KCNK2: variants seen among roughly 807,000 people sequenced by gnomAD.
KCNK2 encodes the protein potassium two pore domain channel subfamily K member 2.
Under a neutral mutation model 40.5 loss-of-function variants are expected in KCNK2, and 21 were observed. The ratio of observed to expected loss-of-function variants is 0.52; its 90% CI spans 0.37 to 0.75. KCNK2 has a LOEUF of 0.75. Among genes scored for constraint, KCNK2 ranks in the 30% least tolerant of loss-of-function variants. The probability of loss-of-function intolerance (pLI) is 0.00; values close to 1 mark genes in which losing one functional copy is unlikely to be tolerated. For missense variants in KCNK2, 399 were observed against 531.6 expected, an observed-to-expected ratio of 0.75 and a Z score of 2.45; for synonymous variants, 191 against 202.2, an observed-to-expected ratio of 0.94 and a Z score of 0.47.
chr1:215,031,056 C>T (rs1228763178), intron 1 of KCNK2, among the ~76,000 whole-genome samples: 1 of 152,088 alleles, frequency 6.6e-6, no homozygotes, highest in South Asian at 2.1e-4. Context: ...TTGACCATAT[C>T]TATATGGGTC....
chr1:215,101,232 C>G (rs1660200441), intron 2 of KCNK2, among the ~76,000 whole-genome samples: 1 of 151,932 alleles, frequency 6.6e-6, no homozygotes, highest in Non-Finnish European at 1.5e-5. Context: ...TAACAAATAT[C>G]TACTTGAACG....
chr1:215,182,010 C>G (rs1015644616), intron 5 of KCNK2, among the ~76,000 whole-genome samples: 2 of 152,192 alleles, frequency 1.3e-5, no homozygotes, highest in African/African-American at 2.4e-5. Flanking sequence ...CTCCTTGACC[C>G]CATGTTCTCT....
intron 1 of KCNK2, among the ~76,000 whole-genome samples, chr1:215,007,045 GTGTGTATATATATA>G (rs1315024855): frequency 2.1e-4 from 25 of 118,472 alleles, no homozygotes; most frequent in South Asian, 1.3e-3. Flanking sequence ...ATATGTGTGT[GTGTGTATATATATA>G]TGTGTGTGTG....
At chr1:215,183,255 T>G (rs554093130) in intron 5 of KCNK2, among the ~76,000 whole-genome samples, 1 of 152,318 alleles carries the variant, frequency 6.6e-6, no homozygotes, top group Admixed American at 6.5e-5. Context: ...TAACTTATCT[T>G]TGCCCTTTCT....
At chr1:215,193,157 T>A (rs1456337581) in intron 5 of KCNK2, among the ~76,000 whole-genome samples, 1 of 152,184 alleles carries the variant, frequency 6.6e-6, no homozygotes, top group African/African-American at 2.4e-5. Flanking sequence ...ACTTGATTTT[T>A]AATATATACC....
intron 4 of KCNK2, among the ~76,000 whole-genome samples, chr1:215,169,915 G>C (rs778015243): frequency 2.0e-5 from 3 of 151,886 alleles, no homozygotes; most frequent in South Asian, 2.1e-4. Flanking sequence ...CAAAGTGCTG[G>C]GATTACAGGC....
At chr1:215,090,309 G>C (rs930727382) in intron 2 of KCNK2, among the ~76,000 whole-genome samples, 1 of 152,112 alleles carries the variant, frequency 6.6e-6, no homozygotes, top group Non-Finnish European at 1.5e-5. Context: ...AGTAAGGGGC[G>C]CTTCAGTTTC....
chr1:215,197,962 G>C (rs1664933841), intron 6 of KCNK2, among the ~76,000 whole-genome samples: 1 of 152,000 alleles, frequency 6.6e-6, no homozygotes, highest in African/African-American at 2.4e-5. Flanking sequence ...TGGCGCTACT[G>C]TACTCCAGCC....
intron 3 of KCNK2, among the ~76,000 whole-genome samples, chr1:215,136,263 T>G (rs11120505): frequency 1.3e-5 from 2 of 151,732 alleles, no homozygotes; most frequent in Non-Finnish European, 2.9e-5. Context: ...GTCCAGCTAA[T>G]TTTTTATATT....
At chr1:215,127,136 A>G (rs1387260799) in intron 3 of KCNK2, among the ~76,000 whole-genome samples, 1 of 152,150 alleles carries the variant, frequency 6.6e-6, no homozygotes, top group East Asian at 1.9e-4. Context: ...TTTTAAAATG[A>G]CATTAGAAGT....
At chr1:215,007,101 ATATATATGTGTGTATATATG>A (rs1656180811) in intron 1 of KCNK2, among the ~76,000 whole-genome samples, 1 of 131,916 alleles carries the variant, frequency 7.6e-6, no homozygotes, top group Non-Finnish European at 1.6e-5. Flanking sequence ...ATATATATGT[ATATATATGTGTGTATATATG>A]TATATATATG....
chr1:215,090,374 T>G (rs910567628), intron 2 of KCNK2, among the ~76,000 whole-genome samples: 3 of 152,204 alleles, frequency 2.0e-5, no homozygotes, highest in Non-Finnish European at 4.4e-5. Flanking sequence ...ACTCTAGCAC[T>G]TACTTCTGGT....
At chr1:215,152,240 T>C (rs1383762007) in intron 3 of KCNK2, among the ~76,000 whole-genome samples, 4 of 152,016 alleles carry the variant, frequency 2.6e-5, no homozygotes, top group Non-Finnish European at 5.9e-5. Flanking sequence ...AACATTTTAG[T>C]AGAACTAACT....
chr1:215,174,154 G>A (rs1208932204), intron 5 of KCNK2, among the ~76,000 whole-genome samples: 2 of 152,122 alleles, frequency 1.3e-5, no homozygotes, highest in Non-Finnish European at 2.9e-5. Context: ...TGTATAAGGT[G>A]TAAGGAAGGG....
chr1:215,077,223 G>A (rs1658975820), intron 1 of KCNK2, among the ~76,000 whole-genome samples: 1 of 152,182 alleles, frequency 6.6e-6, no homozygotes, highest in African/African-American at 2.4e-5. Context: ...AACACAACAG[G>A]TATGAGAAGG....
intron 1 of KCNK2, among the ~76,000 whole-genome samples, chr1:215,067,017 C>A (rs773155794): frequency 2.6e-5 from 4 of 152,040 alleles, no homozygotes; most frequent in Non-Finnish European, 5.9e-5. Flanking sequence ...AAGATGAACA[C>A]CAACTCCAGG....
At chr1:215,160,997 C>T (rs1313601673) in intron 3 of KCNK2, among the ~76,000 whole-genome samples, 4 of 152,062 alleles carry the variant, frequency 2.6e-5, no homozygotes, top group East Asian at 1.9e-4. Flanking sequence ...TCATTGTGTC[C>T]GTCTCAGAGA....
chr1:215,104,240 G>T (rs1052614179), intron 2 of KCNK2, among the ~76,000 whole-genome samples: 3 of 152,020 alleles, frequency 2.0e-5, no homozygotes, highest in Non-Finnish European at 2.9e-5. Flanking sequence ...ATTTTCCTAA[G>T]AGCATACTAC....
exon 1 of KCNK2, chr1:215,005,935 G>C (rs747949311): frequency 5.6e-6 from 9 of 1,613,068 alleles, no homozygotes; most frequent in Admixed American, 1.7e-5. Context: ...ATGAACCCAC[G>C]AGCAAAAAGG....
Sources: gnomAD v4.1 joint callset for allele counts (sites outside exome capture counted in the v4.1 genomes callset) on GRCh38, gnomAD v4.1.1 for gene constraint, MANE v1.5 for transcripts, NCBI Gene and HGNC (gene_info 2026-07-23, HGNC 2026-07-21) for gene names.